Variants in NDST4 observed in about 807,000 individuals in gnomAD.
NDST4 encodes N-deacetylase and N-sulfotransferase 4.
Under a neutral mutation model 100.8 loss-of-function variants are expected in NDST4, and 63 were observed. The observed-to-expected ratio is 0.62, with a 90% CI of 0.51 to 0.77. NDST4 has a LOEUF of 0.77. Among genes scored for constraint, NDST4 ranks in the 30% least tolerant of loss-of-function variants. NDST4 has a pLI of 0.00. For missense variants in NDST4, 943 were observed against 1,018.4 expected (o/e 0.93, Z 1.01); for synonymous variants, 377 against 361.8 (o/e 1.04, Z -0.48).
At chr4:115,013,781 G>A (rs529272449) in intron 2 of NDST4, among the ~76,000 whole-genome samples, 1 of 151,860 alleles carries the variant, frequency 6.6e-6, no homozygotes, top group Non-Finnish European at 1.5e-5. Flanking sequence ...TGAAAAGTAA[G>A]GTCTATTATG....
At chr4:114,911,152 A>G (rs1413872400) in intron 6 of NDST4, among the ~76,000 whole-genome samples, 1 of 152,108 alleles carries the variant, frequency 6.6e-6, no homozygotes, top group Non-Finnish European at 1.5e-5. Flanking sequence ...TAAAAAATAT[A>G]AACAGTAAAA....
rs1434200055 is a variant in NDST4 at position 115,076,344 on chromosome 4, C to T, written c.693G>A (p.Gln231=). ...TIFQYNHSTY[Q]PVLLTELQTE... Reference sequence around the variant, plus strand: ...TCTGTAACTCAGTTAAAAGTACAGGCTGGTAGGTTGAATGATTATATTGGA... The same window carrying T: ...TCTGTAACTCAGTTAAAAGTACAGGTTGGTAGGTTGAATGATTATATTGGA... The change falls in exon 2 of 14, where the codon CAG becomes CAA. Residue 231 remains glutamine (Q), a synonymous_variant. Transcript: ENST00000264363. 1.9e-6 allele frequency: 3 copies of T among 1,613,956 alleles called. No homozygotes were observed. The highest frequency in any genetic ancestry group is 3.3e-4 in the Middle Eastern group (2 of 6,060).
At chr4:115,012,968 G>C (rs544491105) in intron 2 of NDST4, among the ~76,000 whole-genome samples, 1 of 151,224 alleles carries the variant, frequency 6.6e-6, no homozygotes, top group Non-Finnish European at 1.5e-5. Flanking sequence ...GGCAAACTTC[G>C]CATGTTCTCA....
rs10010498 is a variant in NDST4, at chr4:115,018,053, T to C, written c.979-40779A>G. Among the ~76,000 whole-genome samples, 329 of 152,148 alleles carry C rather than the reference T, an allele frequency of 2.2e-3. 2 individuals are homozygous for C. Among genetic ancestry groups the C allele is most frequent in the African/African-American group, 7.6e-3 (315 of 41,564 alleles). On this transcript the variant is annotated intron_variant, in intron 2 of 13. Transcript: ENST00000264363. ...GATTGAACCACAACAAACATCTCTC[T>C]TAAAATCTAGCTTTTTTTTGTAAGT...
intron 4 of NDST4, among the ~76,000 whole-genome samples, chr4:114,942,590 C>A (rs1253005313): frequency 2.6e-5 from 4 of 151,920 alleles, no homozygotes; most frequent in Non-Finnish European, 5.9e-5. Context: ...TGGGTAAATG[C>A]AATTCAATAT....
intron 6 of NDST4, among the ~76,000 whole-genome samples, chr4:114,932,848 C>T (rs541870655): frequency 6.6e-6 from 1 of 151,880 alleles, no homozygotes; most frequent in Non-Finnish European, 1.5e-5. Flanking sequence ...GACAATCATC[C>T]CAACTTCATG....
intron 6 of NDST4, among the ~76,000 whole-genome samples, chr4:114,897,751 G>A (rs2126208746): frequency 6.6e-6 from 1 of 152,308 alleles, no homozygotes; most frequent in Middle Eastern, 3.4e-3. Flanking sequence ...TATTGTCAGT[G>A]TTTGATATAT....
intron 4 of NDST4, 67 bp from the exon 5 acceptor site, chr4:114,937,570 C>A (rs1044416429): frequency 1.1e-5 from 14 of 1,286,458 alleles, no homozygotes; most frequent in Non-Finnish European, 1.5e-5. Context: ...ATCATTTCCA[C>A]CAACATCTAT....
At chr4:114,927,100 T>C (rs1440673093) in intron 6 of NDST4, among the ~76,000 whole-genome samples, 1 of 152,082 alleles carries the variant, frequency 6.6e-6, no homozygotes, top group Non-Finnish European at 1.5e-5. Context: ...CCATTTTATC[T>C]CATCCTTTAA....
intron 6 of NDST4, among the ~76,000 whole-genome samples, chr4:114,881,954 AT>A (rs33935242): frequency 0.1 from 15,160 of 151,748 alleles, 2,256 homozygotes; most frequent in African/African-American, 0.32. Flanking sequence ...ATTTAGATAT[AT>A]TTTTTTTAAA....
chr4:115,038,163 C>G (rs191175865), intron 2 of NDST4, among the ~76,000 whole-genome samples: 2 of 151,980 alleles, frequency 1.3e-5, no homozygotes, highest in African/African-American at 2.4e-5. Context: ...TATCTTTTTA[C>G]GAGGAAGTAA....
chr4:114,981,291 G>C (rs1411167620), intron 2 of NDST4, among the ~76,000 whole-genome samples: 4 of 151,938 alleles, frequency 2.6e-5, no homozygotes, highest in Admixed American at 1.3e-4. Flanking sequence ...AAGAATGAGA[G>C]TCCAACTTTG....
intron 2 of NDST4, among the ~76,000 whole-genome samples, chr4:114,995,881 T>C (rs997568907): frequency 7.9e-5 from 12 of 152,144 alleles, no homozygotes; most frequent in Middle Eastern, 3.4e-3. Flanking sequence ...TTCTTATTCT[T>C]AAAATAGGGA....
chr4:114,984,439 G>A (rs980428553), intron 2 of NDST4, among the ~76,000 whole-genome samples: 2 of 151,208 alleles, frequency 1.3e-5, no homozygotes, highest in Admixed American at 6.6e-5. Flanking sequence ...AAAGTGCTGG[G>A]ATTACAGGCA....
At chr4:115,006,486 A>C (rs1011882628) in intron 2 of NDST4, among the ~76,000 whole-genome samples, 6 of 152,198 alleles carry the variant, frequency 3.9e-5, no homozygotes, top group Non-Finnish European at 8.8e-5. Flanking sequence ...ATAGTTTAAT[A>C]GACAGGTATT....
intron 2 of NDST4, among the ~76,000 whole-genome samples, chr4:114,989,989 A>G (rs1040938645): frequency 6.6e-6 from 1 of 152,136 alleles, no homozygotes; most frequent in African/African-American, 2.4e-5. Context: ...TCATCGGCAT[A>G]AATCAGGTGT....
chr4:115,110,169 T>A (rs1349087077), intron 1 of NDST4, among the ~76,000 whole-genome samples: 1 of 151,950 alleles, frequency 6.6e-6, no homozygotes, highest in Non-Finnish European at 1.5e-5. Flanking sequence ...ACTATATCTA[T>A]TAGAAATGCC....
At chr4:115,021,338 A>G (rs1478682925) in intron 2 of NDST4, among the ~76,000 whole-genome samples, 1 of 150,450 alleles carries the variant, frequency 6.6e-6, no homozygotes, top group Admixed American at 6.6e-5. Flanking sequence ...ACATATACAT[A>G]TTCCATATAT....
At chr4:114,853,393 G>C (rs1016400858) in intron 7 of NDST4, among the ~76,000 whole-genome samples, 1 of 151,982 alleles carries the variant, frequency 6.6e-6, no homozygotes, top group Non-Finnish European at 1.5e-5. Flanking sequence ...TATCATTTTT[G>C]TATAGATACG....
Sources: allele counts gnomAD v4.1 joint callset (sites outside exome capture counted in the v4.1 genomes callset), GRCh38; gene constraint gnomAD v4.1.1; transcripts MANE v1.5; gene names NCBI Gene and HGNC (gene_info 2026-07-23, HGNC 2026-07-21).